FTCDNL1: variants seen among roughly 807,000 people sequenced by gnomAD.
FTCDNL1 encodes formiminotransferase cyclodeaminase N-terminal like.
In FTCDNL1, 11 loss-of-function variants were observed where a neutral mutation model predicts 5.9. The observed-to-expected ratio is 1.87, with a 90% CI of 1.18 to 3.10. The LOEUF (loss-of-function observed/expected upper bound fraction) is 3.10, where lower values mean the gene tolerates loss of function less well. FTCDNL1 is among the 30% of genes most tolerant of loss of function. The pLI is 0.00. For missense variants in FTCDNL1, 115 were observed against 65.5 expected, an observed-to-expected ratio of 1.76 and a Z score of -2.61; for synonymous variants, 58 against 24.8, an observed-to-expected ratio of 2.34 and a Z score of -3.99.
Position 199,812,601 on chromosome 2 carries a change from T to G in FTCDNL1, c.*104A>C, listed in dbSNP as rs1478186203. The G allele has an allele frequency of 5.8e-6, 3 of 516,626 alleles. No individual in the cohort carries two copies. The highest frequency in any genetic ancestry group is 2.0e-5 in the African/African-American group (1 of 50,554). 32.0% of individuals were successfully genotyped at this position (516,626 alleles called of 1,614,324 possible). A position where few individuals can be genotyped will look rare whatever the true frequency, so the allele number is the denominator to read the frequency against. ...AAAGTTTGTTTCTCAGTTTGCAGTTTCGCTCCACTCCCGCCTCCCGCAGAT... is the reference window on the plus strand; with the variant it reads ...AAAGTTTGTTTCTCAGTTTGCAGTTGCGCTCCACTCCCGCCTCCCGCAGAT... On this transcript the variant is annotated 3_prime_UTR_variant, in exon 5 of 5. Transcript: ENST00000420128.
At chr2:199,710,043 C>A in the FTCDNL1 span, among the ~76,000 whole-genome samples, 17 of 152,064 alleles carry the variant, frequency 1.1e-4, no homozygotes, top group Non-Finnish European at 2.1e-4. Context: ...GAAACTTTTG[C>A]CATCATTCAT....
the FTCDNL1 span, among the ~76,000 whole-genome samples, chr2:199,683,733 T>A: frequency 6.6e-6 from 1 of 152,174 alleles, no homozygotes; most frequent in Non-Finnish European, 1.5e-5. Flanking sequence ...ATACCTGCGA[T>A]GAGGCATTCA....
chr2:199,805,910 C>A (rs1258963844), downstream of FTCDNL1, among the ~76,000 whole-genome samples: 6 of 150,964 alleles, frequency 4.0e-5, no homozygotes, highest in African/African-American at 1.5e-4. Flanking sequence ...CAAAGCAAGA[C>A]CTTGTCTTGA....
intron 3 of FTCDNL1, among the ~76,000 whole-genome samples, chr2:199,765,556 A>ATATATATATATATATTTTTTT: frequency 4.7e-5 from 2 of 42,656 alleles, no homozygotes; most frequent in African/African-American, 1.3e-4. Flanking sequence ...ATATATATAT[A>ATATATATATATATATTTTTTT]TTTTTTTTTT....
chr2:199,701,544 A>G, the FTCDNL1 span, among the ~76,000 whole-genome samples: 1 of 152,302 alleles, frequency 6.6e-6, no homozygotes, highest in Non-Finnish European at 1.5e-5. Flanking sequence ...AATAGCAAAG[A>G]TATGGAATCA....
At chr2:199,850,179 A>C (rs899005329) in intron 1 of FTCDNL1, among the ~76,000 whole-genome samples, 6 of 152,308 alleles carry the variant, frequency 3.9e-5, no homozygotes, top group Admixed American at 3.3e-4. Context: ...CTCATCACTG[A>C]AAATTCATAA....
chr2:199,803,038 A>T (rs893559345), intron 3 of FTCDNL1, among the ~76,000 whole-genome samples: 2 of 146,006 alleles, frequency 1.4e-5, no homozygotes, highest in South Asian at 2.1e-4. Flanking sequence ...AAAAAGAAAT[A>T]AAAAAATTAG....
chr2:199,785,105 CTTGAG>C (rs1216903596), intron 3 of FTCDNL1, among the ~76,000 whole-genome samples: 6 of 152,166 alleles, frequency 3.9e-5, no homozygotes, highest in Middle Eastern at 3.4e-3. Flanking sequence ...TCTTCCCTAA[CTTGAG>C]TTATCTGTTC....
Position 199,811,479 on chromosome 2 carries a change from G to T in FTCDNL1, c.*1226C>A, listed in dbSNP as rs537379932. On this transcript the variant is annotated 3_prime_UTR_variant, in exon 5 of 5. Coordinates refer to ENST00000420128, the MANE Select transcript of FTCDNL1 (RefSeq NM_001363886.2). The stretch of plus-strand genomic sequence containing the variant: ...TGCTGAAGAGTATATAACACTGGGG[G>T]TTACATCAGCATGACTATTCAAAAT... Among the ~76,000 whole-genome samples, 1 of 152,310 alleles carries T rather than the reference G, an allele frequency of 6.6e-6. No homozygotes were observed. Among genetic ancestry groups the T allele is most frequent in the African/African-American group, 2.4e-5 (1 of 41,582 alleles).
At chr2:199,706,054 T>G in the FTCDNL1 span, among the ~76,000 whole-genome samples, 1 of 152,212 alleles carries the variant, frequency 6.6e-6, no homozygotes, top group East Asian at 1.9e-4. Flanking sequence ...CTGATCTCCA[T>G]GTTTTCTGTC....
intron 3 of FTCDNL1, among the ~76,000 whole-genome samples, chr2:199,768,386 C>T (rs904511895): frequency 1.3e-5 from 2 of 152,126 alleles, no homozygotes; most frequent in Non-Finnish European, 2.9e-5. Flanking sequence ...AAGTCTTCTA[C>T]ATCATTTTAT....
chr2:199,680,981 G>A, the FTCDNL1 span, among the ~76,000 whole-genome samples: 1 of 152,150 alleles, frequency 6.6e-6, no homozygotes, highest in South Asian at 2.1e-4. Context: ...CTTATATAGA[G>A]GTACAAGATC....
intron 3 of FTCDNL1, among the ~76,000 whole-genome samples, chr2:199,797,643 TG>T (rs1373346404): frequency 6.6e-6 from 1 of 152,242 alleles, no homozygotes; most frequent in African/African-American, 2.4e-5. Context: ...TGATTACATT[TG>T]AGGACACTGA....
At chr2:199,761,698 C>T (rs560122433) in intron 3 of FTCDNL1, among the ~76,000 whole-genome samples, 99 of 152,070 alleles carry the variant, frequency 6.5e-4, no homozygotes, top group Non-Finnish European at 1.3e-3. Flanking sequence ...AATCCCAAGC[C>T]CCAACATCTT....
chr2:199,687,899 T>C, the FTCDNL1 span, among the ~76,000 whole-genome samples: 2 of 152,182 alleles, frequency 1.3e-5, no homozygotes, highest in African/African-American at 2.4e-5. Context: ...AAAGACTTTA[T>C]ATCACTTGCC....
the FTCDNL1 span, among the ~76,000 whole-genome samples, chr2:199,682,030 G>T: frequency 1.3e-5 from 2 of 152,090 alleles, no homozygotes; most frequent in Non-Finnish European, 2.9e-5. Context: ...TGTTGTTGTT[G>T]GGTGTTGTGA....
At chr2:199,719,591 G>A in the FTCDNL1 span, among the ~76,000 whole-genome samples, 31 of 151,910 alleles carry the variant, frequency 2.0e-4, 1 homozygote, top group Admixed American at 5.3e-4. Context: ...GGGCTGCATC[G>A]AGTCTGTAGA....
chr2:199,760,359 G>A (rs907194096), downstream of FTCDNL1, among the ~76,000 whole-genome samples: 1 of 152,160 alleles, frequency 6.6e-6, no homozygotes. Flanking sequence ...CTGGAAAGAG[G>A]TTCAGAGCTT....
Position 199,819,769 on chromosome 2 carries a change from G to A in FTCDNL1, c.212-12C>T. 1.5e-6 allele frequency: 1 copy of A among 683,010 alleles called. No individual in the cohort carries two copies. The highest frequency in any genetic ancestry group is 2.7e-6 in the Non-Finnish European group (1 of 374,524). The allele number at this position is 683,010 out of a possible 1,614,324, so 42.3% of individuals were successfully genotyped here. Reference sequence around the variant, plus strand: ...ATCCTCAGCAAGGCCTGTGGCAGAGGGAATTTTAACCAAAGAAAATCACAA... The same window carrying A: ...ATCCTCAGCAAGGCCTGTGGCAGAGAGAATTTTAACCAAAGAAAATCACAA... On this transcript the variant is annotated splice_polypyrimidine_tract_variant and intron_variant, in intron 3 of 4. Coordinates refer to ENST00000420128, the MANE Select transcript of FTCDNL1 (RefSeq NM_001363886.2).
Sources: allele counts gnomAD v4.1 joint callset (sites outside exome capture counted in the v4.1 genomes callset), GRCh38; gene constraint gnomAD v4.1.1; transcripts MANE v1.5; gene names NCBI Gene and HGNC (gene_info 2026-07-23, HGNC 2026-07-21).